PTDSS2: variants seen among roughly 807,000 people sequenced by gnomAD.
PTDSS2 encodes PSS-2.
PTDSS2 carries 41 observed loss-of-function variants against 64.7 expected under a neutral mutation model. The observed-to-expected ratio is 0.63, with a 90% confidence interval of 0.49 to 0.82. PTDSS2 has a LOEUF of 0.82. Among genes scored for constraint, PTDSS2 ranks in the 40% least tolerant of loss-of-function variants. The pLI, the probability that PTDSS2 is intolerant of heterozygous loss-of-function variation, is 0.00. For missense variants in PTDSS2, 485 were observed against 650.0 expected, an observed-to-expected ratio of 0.75 and a Z score of 2.76; for synonymous variants, 297 against 277.8, an observed-to-expected ratio of 1.07 and a Z score of -0.69.
At chr11:454,245 C>A (rs1348949125) in intron 1 of PTDSS2, among the ~76,000 whole-genome samples, 1 of 152,188 alleles carries the variant, frequency 6.6e-6, no homozygotes, top group Non-Finnish European at 1.5e-5. Context: ...CCTCTGCCTC[C>A]CTTCCTGTTG....
intron 3 of PTDSS2, among the ~76,000 whole-genome samples, chr11:474,632 C>T (rs1449307189): frequency 6.6e-6 from 1 of 152,254 alleles, no homozygotes; most frequent in Non-Finnish European, 1.5e-5. Flanking sequence ...TCAGTGTACT[C>T]TGTCCCCCAA....
At chr11:484,398 G>T (rs923385163) in intron 4 of PTDSS2, among the ~76,000 whole-genome samples, 1 of 152,262 alleles carries the variant, frequency 6.6e-6, no homozygotes, top group Admixed American at 6.5e-5. Context: ...TAGGAACTGA[G>T]GCCTGGGTGT....
chr11:468,918 GGAGT>G (rs1847265918), intron 2 of PTDSS2, among the ~76,000 whole-genome samples: 1 of 140,054 alleles, frequency 7.1e-6, no homozygotes, highest in Non-Finnish European at 1.5e-5. Context: ...AGGGAGGAGG[GGAGT>G]CTCTGGGTAA....
rs1847784436 is a variant in PTDSS2, at chr11:475,942, G to GAATTA, written c.367+1968_367+1972dup. Among the ~76,000 whole-genome samples the GAATTA allele has an allele frequency of 2.6e-5, 4 of 152,188 alleles. No individual in the cohort carries two copies. The East Asian group carries it at 7.7e-4, about 29-fold the overall frequency. ...ATAAAATGTCCCAGAAGTGAGTATT[G>GAATTA]AATTAAAGGGCATACACAGTTTAAG... On this transcript the variant is annotated intron_variant, in intron 3 of 11. Transcript: ENST00000308020.
rs374055981 is a variant in PTDSS2 at position 474,030 on chromosome 11, G to A, written c.367+53G>A. Reference sequence around the variant, plus strand: ...CCCCTGTGGCATTTCTGTTCTGAGCGGCCACTCTGTGTCTGTGCTGCTGGG... The same window carrying A: ...CCCCTGTGGCATTTCTGTTCTGAGCAGCCACTCTGTGTCTGTGCTGCTGGG... On this transcript the variant is annotated intron_variant, in intron 3 of 11. Transcript: ENST00000308020. The A allele has an allele frequency of 8.5e-4, 1,217 of 1,436,220 alleles. 2 individuals carry two copies. Among genetic ancestry groups the A allele is most frequent in the Non-Finnish European group, 1.1e-3 (1,099 of 1,017,894 alleles). The allele number at this position is 1,436,220 out of a possible 1,614,324, so 89.0% of individuals were successfully genotyped here. A position where few individuals can be genotyped will look rare whatever the true frequency, so the allele number is the denominator to read the frequency against.
intron 10 of PTDSS2, 43 bp downstream of exon 10, chr11:489,776 AG>A: frequency 6.3e-7 from 1 of 1,584,842 alleles, no homozygotes; most frequent in Non-Finnish European, 8.6e-7. Flanking sequence ...CCCGGGGGGC[AG>A]GGGCCGGAGG....
At chr11:459,850 C>T (rs981199389) in intron 1 of PTDSS2, 6 of 296,432 alleles carry the variant, frequency 2.0e-5, no homozygotes, top group Non-Finnish European at 3.9e-5. Context: ...CAGTGAAAAG[C>T]GCGTGTTTTA....
intron 10 of PTDSS2, 72 bp downstream of exon 10, chr11:489,805 G>A: frequency 6.4e-7 from 1 of 1,559,264 alleles, no homozygotes; most frequent in Non-Finnish European, 8.7e-7. Flanking sequence ...AGCAGAGCCT[G>A]GGAGGCCGGA....
intron 3 of PTDSS2, among the ~76,000 whole-genome samples, chr11:478,333 C>T (rs910806052): frequency 4.6e-5 from 7 of 151,480 alleles, no homozygotes; most frequent in African/African-American, 1.7e-4. Context: ...GTGGCACGTA[C>T]CTGTGGTCCC....
At position 489,865 on chromosome 11, in the gene PTDSS2, C is replaced by A; in HGVS notation, c.1116-18C>A. 6.4e-7 allele frequency: 1 copy of A among 1,565,898 alleles called. No individual in the cohort carries two copies. Among genetic ancestry groups the A allele is most frequent in the East Asian group, 2.3e-5 (1 of 42,846 alleles). On this transcript the variant is annotated intron_variant, in intron 10 of 11. Transcript: ENST00000308020. ...CCCTGCGGGGCCCGGGACGCTGAAC[C>A]CCCTGCTGCCCCTGCAGGAAGCCCC...
rs543742773 is a variant in PTDSS2, at chr11:464,128, G to A, written c.284+3840G>A. ...CTCTGTGGTAGCTGGGACTATAGCC[G>A]TGCACCGCCACGCCCCACTAATTTT... On this transcript the variant is annotated intron_variant, in intron 2 of 11. Coordinates refer to ENST00000308020, the MANE Select transcript of PTDSS2 (RefSeq NM_030783.3). Among the ~76,000 whole-genome samples the A allele has an allele frequency of 1.7e-3, 255 of 151,852 alleles. 1 individual carries two copies. The highest frequency in any genetic ancestry group is 5.7e-3 in the African/African-American group (238 of 41,400).
At position 476,109 on chromosome 11, in the gene PTDSS2, TG is replaced by T. The variant is rs1420187315; in HGVS notation, c.367+2134del. Among the ~76,000 whole-genome samples the T allele has an allele frequency of 6.6e-6, 1 of 152,202 alleles. No individual in the cohort carries two copies. Among genetic ancestry groups the T allele is most frequent in the Non-Finnish European group, 1.5e-5 (1 of 68,032 alleles). The stretch of plus-strand genomic sequence containing the variant: ...GGTGACCCAAGCAGGCTGGTCTTGC[TG>T]GCCCCTTCCTTGCCCAGGGCCTTGA... On this transcript the variant is annotated intron_variant, in intron 3 of 11. Transcript: ENST00000308020. This position sits in a 1 kb window ranked among gnomAD's most constrained non-coding sequence, Gnocchi z 4.9.
Position 479,050 on chromosome 11 carries a change from C to T in PTDSS2, c.368-35C>T, listed in dbSNP as rs188274753. 7.8e-5 allele frequency: 125 copies of T among 1,596,186 alleles called. No individual in the cohort carries two copies. In the African/African-American group the frequency reaches 1.5e-3, roughly 19 times the overall value. ...TGAGCGGGGCCGTGGAGGCCTGGAC[C>T]GGGCGCACTAACGTTCTGTCGTCTG... On this transcript the variant is annotated intron_variant, in intron 3 of 11. Transcript: ENST00000308020. This position sits in a 1 kb window ranked among gnomAD's most constrained non-coding sequence, Gnocchi z 4.2.
intron 11 of PTDSS2, 82 bp downstream of exon 11, chr11:490,150 T>G: frequency 7.0e-7 from 1 of 1,418,476 alleles, no homozygotes; most frequent in Non-Finnish European, 9.6e-7. Context: ...GAGTTTGGTG[T>G]CGTTGGTGTC....
chr11:475,339 C>T (rs1423627713), intron 3 of PTDSS2, among the ~76,000 whole-genome samples: 1 of 151,756 alleles, frequency 6.6e-6, no homozygotes, highest in Admixed American at 6.6e-5. Flanking sequence ...CGGACATTCA[C>T]GCGTTTGTGT....
chr11:452,791 C>T (rs948251330), intron 1 of PTDSS2, among the ~76,000 whole-genome samples: 2 of 152,228 alleles, frequency 1.3e-5, no homozygotes, highest in East Asian at 1.9e-4. Flanking sequence ...TGCAGAGCCT[C>T]ACACTGACCT....
chr11:488,711 C>T lies in PTDSS2; in HGVS notation c.854+64C>T, dbSNP rs116800961. On this transcript the variant is annotated intron_variant, in intron 8 of 11. Coordinates refer to ENST00000308020, the MANE Select transcript of PTDSS2 (RefSeq NM_030783.3). The stretch of plus-strand genomic sequence containing the variant: ...GTTACCTGGAGGCAGCCTCAGCGTC[C>T]GTGCTCCAGCAGACCCCGAGCACCA... The T allele has an allele frequency of 1.4e-3, 1,695 of 1,218,878 alleles. 12 individuals are homozygous for T. The African/African-American group carries it at 0.023, about 16-fold the overall frequency. The allele number at this position is 1,218,878 out of a possible 1,614,324, so 75.5% of individuals were successfully genotyped here.
rs986033054 is a variant in PTDSS2 at position 461,466 on chromosome 11, G to A, written c.284+1178G>A. Among the ~76,000 whole-genome samples the A allele has an allele frequency of 1.3e-5, 2 of 152,094 alleles. No individual in the cohort carries two copies. Among genetic ancestry groups the A allele is most frequent in the African/African-American group, 2.4e-5 (1 of 41,418 alleles). ...TTAGAAATTACTGTTGAGGTGCCTG[G>A]ACCCAGGACTCTGCAGCCTGCTCCC... On this transcript the variant is annotated intron_variant, in intron 2 of 11. Coordinates refer to ENST00000308020, the MANE Select transcript of PTDSS2 (RefSeq NM_030783.3). This position sits in a 1 kb window ranked among gnomAD's most constrained non-coding sequence, Gnocchi z 4.2.
chr11:488,736 A>G, intron 8 of PTDSS2, 89 bp downstream of exon 8: 3 of 933,232 alleles, frequency 3.2e-6, no homozygotes, highest in Non-Finnish European at 5.3e-6. Flanking sequence ...CCCGAGCACC[A>G]GGCCCGTCCA....
Sources: allele counts gnomAD v4.1 joint callset (sites outside exome capture counted in the v4.1 genomes callset), GRCh38; gene constraint gnomAD v4.1.1; non-coding constraint Gnocchi (gnomAD v3.1); transcripts MANE v1.5; gene names NCBI Gene and HGNC (gene_info 2026-07-23, HGNC 2026-07-21).